The following DNMT1 variants were observed in gnomAD, a reference collection of about 807,000 sequenced individuals.
DNMT1 encodes DNA methyltransferase 1.
Under a neutral mutation model 205.3 loss-of-function variants are expected in DNMT1, and 24 were observed. The observed-to-expected ratio is 0.12, with a 90% CI of 0.08 to 0.16. The LOEUF (loss-of-function observed/expected upper bound fraction) is 0.16, where lower values mean the gene tolerates loss of function less well. DNMT1 is among the 10% of genes least tolerant of loss of function. DNMT1 has a pLI of 1.00. For missense variants in DNMT1, 1,293 were observed against 2,177.7 expected (o/e 0.59, Z 8.09); for synonymous variants, 817 against 839.8 (o/e 0.97, Z 0.47).
rs1312546631 is a variant in DNMT1, at chr19:10,133,777, C to A, written c.4865-76G>T. ...CGCCACTTGACAGGCGAGTAACAGA[C>A]ATGGACCATCAGGAAACATTAACGT... On this transcript the variant is annotated intron_variant, in intron 40 of 40. Coordinates refer to ENST00000359526, the MANE Select transcript of DNMT1 (RefSeq NM_001130823.3). The surrounding 1 kb of genome is among the most constrained non-coding windows in gnomAD (Gnocchi z 4.1). The A allele has an allele frequency of 3.4e-6, 5 of 1,456,344 alleles. No individual in the cohort carries two copies. The highest frequency in any genetic ancestry group is 4.7e-6 in the Non-Finnish European group (5 of 1,059,628). 90.2% of individuals were successfully genotyped at this position (1,456,344 alleles called of 1,614,324 possible). A position where few individuals can be genotyped will look rare whatever the true frequency, so the allele number is the denominator to read the frequency against.
intron 6 of DNMT1, among the ~76,000 whole-genome samples, chr19:10,175,973 G>T (rs2038931591): frequency 6.6e-6 from 1 of 152,118 alleles, no homozygotes; most frequent in Non-Finnish European, 1.5e-5. Flanking sequence ...TTTCAGACCA[G>T]CCTGGCCAAC....
At position 10,156,616 on chromosome 19, in the gene DNMT1, CTCT is replaced by C. The variant is rs2038462657; in HGVS notation, c.1281-110_1281-108del. On this transcript the variant is annotated intron_variant, in intron 17 of 40. Transcript: ENST00000359526. The surrounding 1 kb of genome is among the most constrained non-coding windows in gnomAD (Gnocchi z 4.2). ...AATGAGAGAATGTACAAGTCTGACACTCTTTTTTTGTTTGTTTTTGAGACAGAG... is the reference window on the plus strand; with the variant it reads ...AATGAGAGAATGTACAAGTCTGACACTTTTTTGTTTGTTTTTGAGACAGAG... The C allele has an allele frequency of 4.8e-6, 4 of 832,164 alleles. No homozygotes were observed. The East Asian group carries it at 7.7e-5, about 16-fold the overall frequency. The allele number at this position is 832,164 out of a possible 1,614,324, so 51.5% of individuals were successfully genotyped here.
intron 11 of DNMT1, among the ~76,000 whole-genome samples, chr19:10,164,860 G>A (rs1413382087): frequency 1.5e-5 from 2 of 132,742 alleles, no homozygotes; most frequent in Non-Finnish European, 3.1e-5. Flanking sequence ...CCTGGGAGGT[G>A]GAGGTTGCAG....
In DNMT1 at chr19:10,137,923, T is replaced by A; in HGVS notation, c.4202A>T (p.Glu1401Val). ...CTGAGGCTCCCCGTTGTAGGAGATCTCCAGTGCCGAGGCTCCATTCCGCAC... is the reference window on the plus strand; with the variant it reads ...CTGAGGCTCCCCGTTGTAGGAGATCACCAGTGCCGAGGCTCCATTCCGCAC... Reference protein sequence around the residue: ...PEVRNGASALEISYNGEPQSW... With the variant: ...PEVRNGASALVISYNGEPQSW... Residue 1401 changes from glutamate to valine, a missense_variant, in exon 36 of 41, where the codon GAG becomes GTG. Around this residue, in one of 13 missense-constraint regions of DNMT1, gnomAD observed 148 missense variants for 256.1 expected, o/e 0.58. Coordinates refer to ENST00000359526, the MANE Select transcript of DNMT1 (RefSeq NM_001130823.3). This position sits in a 1 kb window ranked among gnomAD's most constrained non-coding sequence, Gnocchi z 6.4. The A allele has an allele frequency of 6.2e-7, 1 of 1,612,860 alleles. No individual in the cohort carries two copies.
In DNMT1 at chr19:10,154,598, G is replaced by A. The variant is rs2038417128; in HGVS notation, c.1820C>T (p.Thr607Met). The A allele has an allele frequency of 7.4e-6, 12 of 1,614,014 alleles. No individual in the cohort carries two copies. Among genetic ancestry groups the A allele is most frequent in the Non-Finnish European group, 1.0e-5 (12 of 1,179,952 alleles). The stretch of plus-strand genomic sequence containing the variant: ...GCCGCATCCTTACCTCTGTCCCAGC[G>A]TGACCCCAGCCAGCTTGATCAGGTC... ...MRDLIKLAGV[T>M]LGQRRAQARR... Residue 607 changes from threonine to methionine, a missense_variant, in exon 21 of 41, where the codon ACG (threonine) becomes ATG (methionine). By Grantham distance (81) the Thr-to-Met change is moderately conservative. Around this residue, in one of 13 missense-constraint regions of DNMT1, gnomAD observed 197 missense variants for 353.6 expected, o/e 0.56. Transcript: ENST00000359526. This position sits in a 1 kb window ranked among gnomAD's most constrained non-coding sequence, Gnocchi z 6.3.
intron 37 of DNMT1, among the ~76,000 whole-genome samples, chr19:10,136,839 G>A (rs757009488): frequency 9.9e-5 from 15 of 151,584 alleles, no homozygotes; most frequent in Non-Finnish European, 5.9e-5. Flanking sequence ...GCTCACTGTA[G>A]CCTCCTCAAC....
chr19:10,164,913 T>TAAAAAAAAAAAAA (rs535161745), intron 11 of DNMT1, among the ~76,000 whole-genome samples: 5 of 34,046 alleles, frequency 1.5e-4, no homozygotes, highest in Non-Finnish European at 1.4e-4. Flanking sequence ...GAGACTATCT[T>TAAAAAAAAAAAAA]AAAAAAAAAA....
At position 10,133,536 on chromosome 19, in the gene DNMT1, C is replaced by G; in HGVS notation, c.*131G>C. 9.6e-7 allele frequency: 1 copy of G among 1,042,632 alleles called. No homozygotes were observed. The highest frequency in any genetic ancestry group is 1.5e-6 in the Non-Finnish European group (1 of 689,520). 64.6% of individuals were successfully genotyped at this position (1,042,632 alleles called of 1,614,324 possible). A position where few individuals can be genotyped will look rare whatever the true frequency, so the allele number is the denominator to read the frequency against. ...TTGATAAGCGAACCTCACACAACAG[C>G]TTCATGTCAGCCAAGGCCACAAACA... is the stretch of plus-strand genomic sequence containing the variant. On this transcript the variant is annotated 3_prime_UTR_variant, in exon 41 of 41. Transcript: ENST00000359526. This position sits in a 1 kb window ranked among gnomAD's most constrained non-coding sequence, Gnocchi z 4.1.
In DNMT1 at chr19:10,134,231, C is replaced by T. The variant is rs767705266; in HGVS notation, c.4850G>A (p.Arg1617Gln). ...EIKLCMLAKA[R>Q]ESASAKIKEE... ...CCCCACCATACCTGAGGCACTCTCT[C>T]GGGCTTTGGCCAACATACAAAGCTT... is the stretch of plus-strand genomic sequence containing the variant. The change falls in exon 40 of 41, where the codon CGA (arginine) becomes CAA (glutamine). Residue 1617 changes from arginine (R) to glutamine (Q), a missense_variant. By Grantham distance (43) the Arg-to-Gln change is conservative. Coordinates refer to ENST00000359526, the MANE Select transcript of DNMT1 (RefSeq NM_001130823.3). 50 of 1,614,098 alleles carry T rather than the reference C, an allele frequency of 3.1e-5. No individual in the cohort carries two copies. In the Admixed American group the frequency reaches 4.5e-4, roughly 15 times the overall value.
intron 3 of DNMT1, 71 bp from the exon 4 acceptor site, chr19:10,180,640 G>A: frequency 6.6e-7 from 1 of 1,524,260 alleles, no homozygotes; most frequent in Non-Finnish European, 9.1e-7. Context: ...AAACACATGT[G>A]TTTCCTTCAT....
In DNMT1 at chr19:10,146,429, T is replaced by G. The variant is rs1389160994; in HGVS notation, c.2816A>C (p.Tyr939Ser). 1.2e-6 allele frequency: 2 copies of G among 1,614,054 alleles called. No individual in the cohort carries two copies. Among genetic ancestry groups the G allele is most frequent in the African/African-American group, 1.3e-5 (1 of 75,010 alleles). The change falls in exon 28 of 41, where the codon TAC becomes TCC. Residue 939 changes from tyrosine to serine, a missense_variant. Physicochemically the swap from Tyr to Ser is moderately radical, Grantham distance 144 (BLOSUM62 -2). Around this residue, in one of 13 missense-constraint regions of DNMT1, gnomAD observed 112 missense variants for 116.6 expected, o/e 0.96. Transcript: ENST00000359526. This position sits in a 1 kb window ranked among gnomAD's most constrained non-coding sequence, Gnocchi z 4.4. ...GATGCCGTTCTTGGTGGCTGAGTAG[T>G]AGAGGACCCGGCTATCCAGGTCCTC... ...QLEDLDSRVL[Y>S]YSATKNGILY...
chr19:10,170,146 G>A (rs1006764831), intron 9 of DNMT1, among the ~76,000 whole-genome samples: 3 of 151,826 alleles, frequency 2.0e-5, no homozygotes, highest in African/African-American at 4.8e-5. Flanking sequence ...TTAGGCGGAC[G>A]GGGTGGCGGG....
chr19:10,154,783 G>C lies in DNMT1; in HGVS notation c.1645-10C>G. The C allele has an allele frequency of 6.2e-7, 1 of 1,614,228 alleles. No homozygotes were observed. The highest frequency in any genetic ancestry group is 1.7e-5 in the Admixed American group (1 of 60,024). Reference sequence around the variant, plus strand: ...AAGGAGGAACCGTGGTCTTGAAAGAGAACAGGTTTCTCTCATGCTTAAGCC... The same window carrying C: ...AAGGAGGAACCGTGGTCTTGAAAGACAACAGGTTTCTCTCATGCTTAAGCC... On this transcript the variant is annotated splice_polypyrimidine_tract_variant and intron_variant, in intron 20 of 40. Transcript: ENST00000359526. This position sits in a 1 kb window ranked among gnomAD's most constrained non-coding sequence, Gnocchi z 6.3.
In DNMT1 at chr19:10,149,647, G is replaced by A. The variant is rs915110490; in HGVS notation, c.2392C>T (p.Leu798=). The A allele has an allele frequency of 1.2e-6, 2 of 1,613,744 alleles. No individual in the cohort carries two copies. The highest frequency in any genetic ancestry group is 1.7e-6 in the Non-Finnish European group (2 of 1,180,042). ...KPLYLARVTA[L]WEDSSNGQMF... is the part of the protein sequence containing the mutation. The stretch of plus-strand genomic sequence containing the variant: ...TGCCCGTTGCTGCTGTCCTCCCACA[G>A]CGCCGTGACCCTGGAATCAGAAGAC... The change falls in exon 26 of 41, where the codon CTG becomes TTG. Residue 798 remains leucine, a synonymous_variant. Transcript: ENST00000359526.
Position 10,154,917 on chromosome 19 carries a change from G to T in DNMT1, c.1632C>A (p.Ile544=), listed in dbSNP as rs2228613. ...SNSDSTYEDL[I]NKIETTVPPS... is the part of the protein sequence containing the mutation. ...CTCGATCTCTTACCTCGATCTTGTTGATCAGGTCCTCATAGGTCGAGTCGG... is the reference window on the plus strand; with the variant it reads ...CTCGATCTCTTACCTCGATCTTGTTTATCAGGTCCTCATAGGTCGAGTCGG... Residue 544 remains isoleucine, a synonymous_variant, in exon 20 of 41, where the codon ATC becomes ATA. Transcript: ENST00000359526. The surrounding 1 kb of genome is among the most constrained non-coding windows in gnomAD (Gnocchi z 6.3). 0.084 allele frequency: 136,157 copies of T among 1,614,142 alleles called. 6,259 individuals are homozygous for T. Among genetic ancestry groups the T allele is most frequent in the Non-Finnish European group, 0.095 (112,320 of 1,180,036 alleles).
intron 30 of DNMT1, 75 bp from the exon 31 acceptor site, chr19:10,141,264 C>A (rs1046195636): frequency 1.4e-5 from 21 of 1,468,078 alleles, no homozygotes; most frequent in Middle Eastern, 1.7e-4. Flanking sequence ...AGTAAGAAGG[C>A]AATTTGATAG....
chr19:10,188,439 C>T (rs903809486), intron 1 of DNMT1, among the ~76,000 whole-genome samples: 1 of 152,024 alleles, frequency 6.6e-6, no homozygotes, highest in African/African-American at 2.4e-5. Context: ...ACTCAAGAGG[C>T]TGAGGCACAA....
At chr19:10,158,312 G>A (rs559081088) in intron 17 of DNMT1, among the ~76,000 whole-genome samples, 11 of 152,176 alleles carry the variant, frequency 7.2e-5, no homozygotes, top group African/African-American at 1.9e-4. Context: ...GCTGGTGGAC[G>A]CAACAGCATC....
intron 1 of DNMT1, chr19:10,194,516 G>T: frequency 3.5e-6 from 1 of 282,654 alleles, no homozygotes; most frequent in Non-Finnish European, 6.7e-6. Flanking sequence ...TTGAAGAAGG[G>T]GACCCCGGAA....
Sources: gnomAD v4.1 joint callset for allele counts (sites outside exome capture counted in the v4.1 genomes callset) on GRCh38, gnomAD v4.1.1 for gene constraint, gnomAD v4.1.1 regional missense constraint, Gnocchi (gnomAD v3.1) non-coding constraint, MANE v1.5 for transcripts, NCBI Gene and HGNC (gene_info 2026-07-23, HGNC 2026-07-21) for gene names.